PJA2: variants seen among roughly 807,000 people sequenced by gnomAD.
PJA2 encodes praja ring finger ubiquitin ligase 2, also known as E3 ubiquitin-protein ligase Praja-2.
PJA2 carries 25 observed loss-of-function variants against 69.3 expected under a neutral mutation model. The ratio of observed to expected loss-of-function variants is 0.36; its 90% confidence interval spans 0.26 to 0.50. The LOEUF (loss-of-function observed/expected upper bound fraction) is 0.50. Ranked by LOEUF, PJA2 falls within the 20% of genes least tolerant of loss-of-function variation. The pLI is 0.96. For missense variants in PJA2, 809 were observed against 830.2 expected (o/e 0.97, Z 0.31); for synonymous variants, 308 against 277.8 (o/e 1.11, Z -1.08).
rs1761964152 is a variant in PJA2, at chr5:109,337,289, G to A, written c.2069C>T (p.Ser690Phe). The change falls in exon 10 of 10, where the codon TCC becomes TTC. Residue 690 changes from serine (S) to phenylalanine (F), a missense_variant. Ser to Phe is a radical substitution (Grantham distance 155). Around this residue, in one of 4 missense-constraint regions of PJA2, gnomAD observed 35 missense variants for 37.0 expected, o/e 0.94. Coordinates refer to ENST00000361189, the MANE Select transcript of PJA2 (RefSeq NM_014819.5). The stretch of plus-strand genomic sequence containing the variant: ...TGGGGCATCAGGATCAGGCTCAGAG[G>A]AAGGAGCTGCAGATGCTTCAATAAC... Reference protein sequence around the residue: ...PAVIEASAAPSSEPDPDAPPS... With the variant: ...PAVIEASAAPFSEPDPDAPPS... The A allele has an allele frequency of 2.5e-6, 4 of 1,613,678 alleles. No individual in the cohort carries two copies. The highest frequency in any genetic ancestry group is 3.4e-6 in the Non-Finnish European group (4 of 1,179,872).
intron 1 of PJA2, among the ~76,000 whole-genome samples, chr5:109,405,796 T>C (rs1747673677): frequency 6.6e-6 from 1 of 152,090 alleles, no homozygotes; most frequent in Admixed American, 6.6e-5. Context: ...AGAAAAATCC[T>C]AAGAGTAAAT....
intron 1 of PJA2, among the ~76,000 whole-genome samples, chr5:109,387,120 T>C (rs1286658588): frequency 6.6e-6 from 1 of 152,170 alleles, no homozygotes; most frequent in African/African-American, 2.4e-5. Flanking sequence ...CATTTTTACT[T>C]CTTTCCCTTA....
chr5:109,379,911 T>C (rs1582614929), intron 3 of PJA2, among the ~76,000 whole-genome samples: 1 of 152,220 alleles, frequency 6.6e-6, no homozygotes, highest in East Asian at 1.9e-4. Flanking sequence ...TTCTGAAACA[T>C]GAGTAAAATC....
intron 4 of PJA2, among the ~76,000 whole-genome samples, chr5:109,377,332 TGTAATTG>T (rs1461439372): frequency 6.6e-6 from 1 of 152,102 alleles, no homozygotes; most frequent in Non-Finnish European, 1.5e-5. Context: ...GCAATTGCAC[TGTAATTG>T]AGCACTGTCA....
intron 1 of PJA2, among the ~76,000 whole-genome samples, chr5:109,407,927 C>A (rs951474509): frequency 6.6e-6 from 1 of 152,084 alleles, no homozygotes; most frequent in African/African-American, 2.4e-5. Flanking sequence ...CCAAATTAAT[C>A]TAAAATTTCA....
At chr5:109,390,149 T>G (rs1264312188) in intron 1 of PJA2, among the ~76,000 whole-genome samples, 1 of 152,062 alleles carries the variant, frequency 6.6e-6, no homozygotes, top group African/African-American at 2.4e-5. Context: ...TTACTAAAAC[T>G]TTTTTAAATC....
chr5:109,381,415 A>G (rs1173617139), intron 3 of PJA2, 88 bp downstream of exon 3: 3 of 939,056 alleles, frequency 3.2e-6, no homozygotes, highest in Non-Finnish European at 4.9e-6. Flanking sequence ...ACACTCACAG[A>G]CATGCATAAT....
chr5:109,403,764 TAAAA>T (rs35384937), intron 1 of PJA2, among the ~76,000 whole-genome samples: 1 of 138,192 alleles, frequency 7.2e-6, no homozygotes, highest in Non-Finnish European at 1.6e-5. Context: ...ACTCATGATT[TAAAA>T]AAAAAAAAAA....
intron 1 of PJA2, among the ~76,000 whole-genome samples, chr5:109,388,857 C>G (rs1025823968): frequency 1.3e-5 from 2 of 152,140 alleles, no homozygotes; most frequent in Non-Finnish European, 2.9e-5. Flanking sequence ...ACTTACCCTG[C>G]ATTTCCTTTT....
intron 4 of PJA2, among the ~76,000 whole-genome samples, chr5:109,373,031 T>A (rs1582608748): frequency 6.7e-6 from 1 of 150,354 alleles, no homozygotes; most frequent in South Asian, 2.1e-4. Flanking sequence ...GAGGTGGAGG[T>A]TGCAGTGAGC....
intron 9 of PJA2, among the ~76,000 whole-genome samples, chr5:109,338,021 G>A (rs922254883): frequency 6.6e-6 from 1 of 152,072 alleles, no homozygotes; most frequent in Non-Finnish European, 1.5e-5. Flanking sequence ...GTGGGAAGGA[G>A]AAAGCAGTTA....
In PJA2 at chr5:109,378,553, G is replaced by C. The variant is rs1192844031; in HGVS notation, c.934C>G (p.Gln312Glu). The change falls in exon 4 of 10, where the codon CAG becomes GAG. Residue 312 changes from glutamine to glutamate, a missense_variant. Physicochemically the swap from Gln to Glu is conservative, Grantham distance 29. Around this residue, in one of 4 missense-constraint regions of PJA2, gnomAD observed 700 missense variants for 639.5 expected, o/e 1.09. Coordinates refer to ENST00000361189, the MANE Select transcript of PJA2 (RefSeq NM_014819.5). Reference protein sequence around the residue: ...REKNHGSSPEQVVRPKVRKLI... With the variant: ...REKNHGSSPEEVVRPKVRKLI... ...TTTCTAACTTTTGGCCTCACTACCT[G>C]TTCAGGAGAACTTCCATGGTTCTTT... 6.2e-7 allele frequency: 1 copy of C among 1,614,104 alleles called. No homozygotes were observed. Among genetic ancestry groups the C allele is most frequent in the Admixed American group, 1.7e-5 (1 of 60,014 alleles).
At chr5:109,347,847 A>G (rs1762194204) in intron 7 of PJA2, among the ~76,000 whole-genome samples, 1 of 152,128 alleles carries the variant, frequency 6.6e-6, no homozygotes, top group Admixed American at 6.6e-5. Flanking sequence ...GGTATTCTAA[A>G]CTTCTGTTGC....
intron 9 of PJA2, among the ~76,000 whole-genome samples, chr5:109,340,910 G>A (rs1303199692): frequency 1.8e-5 from 2 of 113,156 alleles, no homozygotes; most frequent in Non-Finnish European, 2.1e-5. Context: ...CCGAGGTGCC[G>A]GGATTGCAGA....
intron 1 of PJA2, among the ~76,000 whole-genome samples, chr5:109,398,146 G>A (rs1048014429): frequency 7.2e-5 from 11 of 152,120 alleles, no homozygotes; most frequent in African/African-American, 2.2e-4. Context: ...TAAAAAGTCA[G>A]GAAACAACAG....
chr5:109,375,452 G>A (rs1482141171), intron 4 of PJA2, among the ~76,000 whole-genome samples: 3 of 152,056 alleles, frequency 2.0e-5, no homozygotes, highest in South Asian at 2.1e-4. Context: ...AGGTTGCAGC[G>A]AGCCGAGATC....
chr5:109,381,101 G>C (rs1057495875), intron 3 of PJA2, among the ~76,000 whole-genome samples: 1 of 149,256 alleles, frequency 6.7e-6, no homozygotes, highest in East Asian at 2.0e-4. Context: ...GCAACAGAAC[G>C]TGACTCCATC....
intron 1 of PJA2, among the ~76,000 whole-genome samples, chr5:109,389,963 T>C (rs564416410): frequency 1.5e-4 from 23 of 151,914 alleles, no homozygotes; most frequent in Non-Finnish European, 3.1e-4. Flanking sequence ...AAAACATGCA[T>C]TGTATGATTT....
At chr5:109,358,814 C>T (rs1422826303) in intron 6 of PJA2, among the ~76,000 whole-genome samples, 1 of 152,050 alleles carries the variant, frequency 6.6e-6, no homozygotes, top group South Asian at 2.1e-4. Context: ...GAATGAGACT[C>T]TGTCTCAAAA....
Sources: allele counts gnomAD v4.1 joint callset (sites outside exome capture counted in the v4.1 genomes callset), GRCh38; gene constraint gnomAD v4.1.1; regional missense constraint gnomAD v4.1.1; transcripts MANE v1.5; gene names NCBI Gene and HGNC (gene_info 2026-07-23, HGNC 2026-07-21).